The following PTPRT variants were observed in gnomAD, a reference collection of about 807,000 sequenced individuals.
PTPRT encodes receptor-type tyrosine-protein phosphatase T.
A neutral mutation model predicts 176.8 loss-of-function variants in PTPRT; 56 were observed. The observed-to-expected ratio is 0.32, with a 90% CI of 0.26 to 0.40. The LOEUF (loss-of-function observed/expected upper bound fraction) is 0.40, where lower values mean the gene tolerates loss of function less well. Ranked by LOEUF, PTPRT falls within the 10% of genes least tolerant of loss-of-function variation. The pLI is 1.00. For missense variants in PTPRT, 1,540 were observed against 1,908.2 expected (o/e 0.81, Z 3.60); for synonymous variants, 783 against 739.0 (o/e 1.06, Z -0.96).
intron 2 of PTPRT, among the ~76,000 whole-genome samples, chr20:42,836,654 G>C (rs2078186370): frequency 6.6e-6 from 1 of 152,292 alleles, no homozygotes; most frequent in African/African-American, 2.4e-5. Flanking sequence ...GAACCAAACA[G>C]CCCTGGGTTT....
intron 7 of PTPRT, among the ~76,000 whole-genome samples, chr20:42,524,972 T>C (rs907404991): frequency 2.6e-5 from 4 of 152,192 alleles, no homozygotes; most frequent in African/African-American, 7.2e-5. Flanking sequence ...CCTCAACATT[T>C]GGTGTTCTCA....
intron 2 of PTPRT, among the ~76,000 whole-genome samples, chr20:42,874,815 CAT>C (rs1205513729): frequency 6.6e-6 from 1 of 152,188 alleles, no homozygotes; most frequent in Non-Finnish European, 1.5e-5. Flanking sequence ...GTGGTATACA[CAT>C]GTTAGGTTAA....
chr20:43,009,799 C>T (rs907153990), intron 1 of PTPRT, among the ~76,000 whole-genome samples: 1 of 152,112 alleles, frequency 6.6e-6, no homozygotes, highest in South Asian at 2.1e-4. Context: ...ATCATCTGAC[C>T]CCCTCAGAGA....
chr20:42,459,043 T>C (rs2070972334), intron 8 of PTPRT, among the ~76,000 whole-genome samples: 1 of 152,106 alleles, frequency 6.6e-6, no homozygotes, highest in African/African-American at 2.4e-5. Flanking sequence ...GAGTGTGCTG[T>C]AGGAGACTTC....
At chr20:42,110,530 G>C (rs374577066) in intron 22 of PTPRT, 43 bp from the exon 23 acceptor site, 1 of 1,544,958 alleles carries the variant, frequency 6.5e-7, no homozygotes, top group South Asian at 1.3e-5. Context: ...TGCTGCCCTC[G>C]CATACCCAGC....
intron 7 of PTPRT, among the ~76,000 whole-genome samples, chr20:42,479,528 GA>G (rs1246090865): frequency 6.6e-6 from 1 of 152,132 alleles, no homozygotes; most frequent in Non-Finnish European, 1.5e-5. Flanking sequence ...AAGGTAAGGG[GA>G]ACAAAAATAA....
chr20:43,189,606 G>A lies in PTPRT; in HGVS notation c.88+40C>T, dbSNP rs928172324. 2.5e-6 allele frequency: 3 copies of A among 1,197,644 alleles called. No individual in the cohort carries two copies. The highest frequency in any genetic ancestry group is 3.1e-6 in the Non-Finnish European group (3 of 958,742). 74.2% of individuals were successfully genotyped at this position (1,197,644 alleles called of 1,614,324 possible). A position where few individuals can be genotyped will look rare whatever the true frequency, so the allele number is the denominator to read the frequency against. On this transcript the variant is annotated intron_variant, in intron 1 of 30. Transcript: ENST00000373187. The surrounding 1 kb of genome is among the most constrained non-coding windows in gnomAD (Gnocchi z 5.0). ...GCTGGGGGCCCGCGCGCATCCAGGA[G>A]GGAGCGGGGAGCCCAGGGGAGCCGG...
At chr20:42,743,667 C>T (rs932437501) in intron 6 of PTPRT, among the ~76,000 whole-genome samples, 6 of 152,130 alleles carry the variant, frequency 3.9e-5, no homozygotes, top group Admixed American at 1.3e-4. Flanking sequence ...GGTAAATGTC[C>T]GCTAAGCACG....
chr20:43,044,924 C>T (rs1986773571), intron 1 of PTPRT, among the ~76,000 whole-genome samples: 1 of 152,324 alleles, frequency 6.6e-6, no homozygotes, highest in Non-Finnish European at 1.5e-5. Context: ...ACTCTCCTAT[C>T]CCTGCACTCA....
intron 7 of PTPRT, among the ~76,000 whole-genome samples, chr20:42,496,640 C>CT (rs537023943): frequency 0.11 from 16,055 of 142,224 alleles, 952 homozygotes; most frequent in East Asian, 0.21. Context: ...CTTTCACCAC[C>CT]TTTTTTTTTT....
chr20:42,981,436 C>T (rs1393826739), intron 1 of PTPRT, among the ~76,000 whole-genome samples: 4 of 152,222 alleles, frequency 2.6e-5, no homozygotes, highest in Admixed American at 2.6e-4. Context: ...TGGCCCTGGC[C>T]ACGTGAGTTG....
chr20:42,368,055 C>T (rs1266031597), intron 9 of PTPRT, among the ~76,000 whole-genome samples: 1 of 152,146 alleles, frequency 6.6e-6, no homozygotes, highest in African/African-American at 2.4e-5. Context: ...CAAGTTGGTG[C>T]AGGAGTCCCA....
Position 43,189,681 on chromosome 20 carries a change from G to C in PTPRT, c.53C>G (p.Pro18Arg). 2.3e-6 allele frequency: 3 copies of C among 1,319,410 alleles called. No individual in the cohort carries two copies. Among genetic ancestry groups the C allele is most frequent in the Non-Finnish European group, 2.9e-6 (3 of 1,035,598 alleles). The allele number at this position is 1,319,410 out of a possible 1,614,324, so 81.7% of individuals were successfully genotyped here. Residue 18 changes from proline to arginine, a missense_variant, in exon 1 of 31, where the codon CCG becomes CGG. Around this residue, in one of 11 missense-constraint regions of PTPRT, gnomAD observed 116 missense variants for 118.5 expected, o/e 0.98. Coordinates refer to ENST00000373187, the MANE Select transcript of PTPRT (RefSeq NM_007050.6). This position sits in a 1 kb window ranked among gnomAD's most constrained non-coding sequence, Gnocchi z 5.0. Reference protein sequence around the residue: ...ALSLLLRLQLPPLPGARAQSA... With the variant: ...ALSLLLRLQLRPLPGARAQSA... Reference sequence around the variant, plus strand: ...CTGAGCCCGGGCGCCGGGCAGTGGCGGCAGCTGCAGCCTCAGGAGCAGGCT... The same window carrying C: ...CTGAGCCCGGGCGCCGGGCAGTGGCCGCAGCTGCAGCCTCAGGAGCAGGCT...
At chr20:42,391,293 G>T (rs573917793) in intron 9 of PTPRT, among the ~76,000 whole-genome samples, 11 of 152,326 alleles carry the variant, frequency 7.2e-5, no homozygotes, top group African/African-American at 2.6e-4. Context: ...TGCTTCAGCA[G>T]CAAGAGAAGA....
intron 28 of PTPRT, 69 bp from the exon 29 acceptor site, chr20:42,084,914 C>A (rs1175171160): frequency 2.4e-6 from 3 of 1,272,136 alleles, no homozygotes; most frequent in East Asian, 5.6e-5. Context: ...TGCAGATACC[C>A]CGGGGACTGC....
chr20:42,985,250 G>A lies in PTPRT; in HGVS notation c.89-99318C>T, dbSNP rs186376551. On this transcript the variant is annotated intron_variant, in intron 1 of 30. Coordinates refer to ENST00000373187, the MANE Select transcript of PTPRT (RefSeq NM_007050.6). ...GGTGGCTCACACCTGTAATCCCAGC[G>A]CTTTGGGAGGCCGAGGTGGGTGGAT... is the stretch of plus-strand genomic sequence containing the variant. 6.7e-3 allele frequency among the ~76,000 whole-genome samples: 1,014 copies of A among 152,092 alleles called. 6 individuals are homozygous for A. Among genetic ancestry groups the A allele is most frequent in the African/African-American group, 0.016 (668 of 41,504 alleles).
chr20:42,199,777 G>A (rs1447701086), intron 15 of PTPRT, among the ~76,000 whole-genome samples: 1 of 152,060 alleles, frequency 6.6e-6, no homozygotes, highest in Non-Finnish European at 1.5e-5. Flanking sequence ...ATTAAAAATG[G>A]AGGCTTGTCT....
At chr20:42,492,652 G>A (rs6030282) in intron 7 of PTPRT, among the ~76,000 whole-genome samples, 25,052 of 152,046 alleles carry the variant, frequency 0.16, 5,096 homozygotes, top group African/African-American at 0.48. Context: ...CCAAAGTGTT[G>A]TTTAGTAACA....
At chr20:42,497,676 T>C (rs1352115081) in intron 7 of PTPRT, among the ~76,000 whole-genome samples, 1 of 152,182 alleles carries the variant, frequency 6.6e-6, no homozygotes. Flanking sequence ...ATCCTTTACC[T>C]TCCTTTTGTT....
Sources: gnomAD v4.1 joint callset for allele counts (sites outside exome capture counted in the v4.1 genomes callset) on GRCh38, gnomAD v4.1.1 for gene constraint, gnomAD v4.1.1 regional missense constraint, Gnocchi (gnomAD v3.1) non-coding constraint, MANE v1.5 for transcripts, NCBI Gene and HGNC (gene_info 2026-07-23, HGNC 2026-07-21) for gene names.